The following NECAB2 variants were observed in gnomAD, a reference collection of about 807,000 sequenced individuals.
NECAB2 encodes N-terminal EF-hand calcium-binding protein 2.
NECAB2 carries 68 observed loss-of-function variants against 51.9 expected under a neutral mutation model. The observed-to-expected ratio is 1.31, with a 90% confidence interval of 1.08 to 1.60. The LOEUF is 1.60. Ranked by LOEUF, NECAB2 falls within the 40% of genes most tolerant of loss-of-function variation. The pLI is 0.00. For synonymous variants in NECAB2, 329 were observed against 203.5 expected, an observed-to-expected ratio of 1.62 and a Z score of -5.25; for missense variants, 854 against 490.3, an observed-to-expected ratio of 1.74 and a Z score of -7.00.
At chr16:84,001,749 G>A in intron 11 of NECAB2, 76 bp from the exon 12 acceptor site, 1 of 1,521,616 alleles carries the variant, frequency 6.6e-7, no homozygotes, top group South Asian at 1.1e-5. Flanking sequence ...TTGGGCTAGA[G>A]CTAGGATTAA....
chr16:84,001,252 G>T (rs1467023767), intron 11 of NECAB2, among the ~76,000 whole-genome samples: 1 of 144,142 alleles, frequency 6.9e-6, no homozygotes, highest in Non-Finnish European at 1.5e-5. Flanking sequence ...TGGGCCTTAG[G>T]CCTTTGTCCT....
At chr16:83,978,629 T>C in intron 3 of NECAB2, 77 bp downstream of exon 3, 1 of 1,274,384 alleles carries the variant, frequency 7.8e-7, no homozygotes, top group South Asian at 1.2e-5. Flanking sequence ...TAGTGTCCGT[T>C]CCTAGTCCCC....
chr16:83,998,356 G>T, intron 10 of NECAB2, 39 bp downstream of exon 10: 1 of 1,585,940 alleles, frequency 6.3e-7, no homozygotes. Context: ...ATGGTGGCAG[G>T]GAGCTCTGCC....
At chr16:83,996,972 G>C (rs1011759760) in intron 8 of NECAB2, among the ~76,000 whole-genome samples, 3 of 150,952 alleles carry the variant, frequency 2.0e-5, no homozygotes, top group Non-Finnish European at 4.4e-5. Flanking sequence ...CCAGCATCTT[G>C]GACTCAGGCC....
At chr16:83,988,035 A>G (rs1161068846) in intron 5 of NECAB2, among the ~76,000 whole-genome samples, 2 of 152,190 alleles carry the variant, frequency 1.3e-5, no homozygotes, top group Non-Finnish European at 2.9e-5. Context: ...TGATAGTGAT[A>G]TTGTACCTTA....
At chr16:83,984,271 A>G (rs1222950120) in intron 5 of NECAB2, among the ~76,000 whole-genome samples, 2 of 152,086 alleles carry the variant, frequency 1.3e-5, no homozygotes, top group African/African-American at 4.8e-5. Context: ...CTGGGATTAC[A>G]GGCGTGAGCC....
intron 4 of NECAB2, 37 bp downstream of exon 4, chr16:83,980,901 G>T (rs1597205091): frequency 6.2e-7 from 1 of 1,613,664 alleles, no homozygotes; most frequent in Non-Finnish European, 8.5e-7. Context: ...AGATGGGGAT[G>T]CTGGGATGGG....
At chr16:83,995,648 T>A (rs1278209380) in intron 8 of NECAB2, among the ~76,000 whole-genome samples, 2 of 152,136 alleles carry the variant, frequency 1.3e-5, no homozygotes, top group African/African-American at 2.4e-5. Context: ...CCTACTTTTG[T>A]GTATTTTTTT....
At chr16:83,974,289 T>G (rs1010927463) in intron 2 of NECAB2, among the ~76,000 whole-genome samples, 1 of 152,138 alleles carries the variant, frequency 6.6e-6, no homozygotes, top group Non-Finnish European at 1.5e-5. Flanking sequence ...AGTCACCAAA[T>G]TCTGCAGTCT....
At chr16:83,975,230 GTGT>G (rs1300366747) in intron 2 of NECAB2, among the ~76,000 whole-genome samples, 1 of 149,086 alleles carries the variant, frequency 6.7e-6, no homozygotes, top group Non-Finnish European at 1.5e-5. Flanking sequence ...GTGCAGGGAG[GTGT>G]TGGTGCGGGA....
intron 11 of NECAB2, 80 bp downstream of exon 11, chr16:84,000,881 G>C: frequency 2.8e-6 from 4 of 1,421,404 alleles, no homozygotes; most frequent in Non-Finnish European, 4.0e-6. Context: ...AGGCATCCTT[G>C]GAGGGGAGGG....
In NECAB2 at chr16:83,968,453, G is replaced by C. The variant is rs1337845649; in HGVS notation, c.-196G>C. Among the ~76,000 whole-genome samples the C allele has an allele frequency of 3.4e-5, 5 of 146,426 alleles. No homozygotes were observed. Among genetic ancestry groups the C allele is most frequent in the South Asian group, 2.1e-4 (1 of 4,794 alleles). On this transcript the variant is annotated 5_prime_UTR_variant, in exon 1 of 13. Coordinates refer to ENST00000305202, the MANE Select transcript of NECAB2 (RefSeq NM_019065.3). ...CCGGCCGGCGGGGGTGGGGGCGGCG[G>C]GGAGCGGGCACGTGGCTCGGGGTCC...
intron 6 of NECAB2, 78 bp downstream of exon 6, chr16:83,990,708 A>C: frequency 5.1e-6 from 8 of 1,566,754 alleles, no homozygotes; most frequent in Non-Finnish European, 6.9e-6. Flanking sequence ...CTTGGTGGGG[A>C]TGTCTGTGTA....
chr16:83,993,619 G>GTTGTGTGT (rs1567674929), intron 6 of NECAB2: 2 of 133,258 alleles, frequency 1.5e-5, no homozygotes, highest in African/African-American at 5.9e-5. Flanking sequence ...TGCAAGGTGA[G>GTTGTGTGT]CTGTGTGTGT....
chr16:83,973,717 C>G (rs72791591), intron 2 of NECAB2, among the ~76,000 whole-genome samples: 2 of 151,854 alleles, frequency 1.3e-5, no homozygotes, highest in East Asian at 1.9e-4. Context: ...TGTCCCGGGC[C>G]TGATACCCAG....
intron 5 of NECAB2, among the ~76,000 whole-genome samples, chr16:83,982,831 C>T (rs1435576921): frequency 6.6e-6 from 1 of 151,694 alleles, no homozygotes; most frequent in Non-Finnish European, 1.5e-5. Context: ...TTGTTGCATC[C>T]GTGATTGGCA....
intron 1 of NECAB2, 144 bp downstream of exon 1, chr16:83,968,993 G>T (rs1448560768): frequency 2.6e-6 from 1 of 380,842 alleles, no homozygotes; most frequent in Non-Finnish European, 3.8e-6. Flanking sequence ...GCGTGCCGGA[G>T]CGGGAGCCCC....
At chr16:83,967,950 A>G (rs1397408969), upstream of NECAB2, among the ~76,000 whole-genome samples, 2 of 147,172 alleles carry the variant, frequency 1.4e-5, no homozygotes, top group African/African-American at 5.0e-5. Context: ...GGATGGATGT[A>G]TAGATGGATT....
rs749522374 is a variant in NECAB2 at position 84,000,714 on chromosome 16, C to G, written c.963-10C>G. 13 of 1,613,744 alleles carry G rather than the reference C, an allele frequency of 8.1e-6. No individual in the cohort carries two copies. Among genetic ancestry groups the G allele is most frequent in the East Asian group, 2.2e-5 (1 of 44,872 alleles). On this transcript the variant is annotated splice_polypyrimidine_tract_variant and intron_variant, in intron 10 of 12. Coordinates refer to ENST00000305202, the MANE Select transcript of NECAB2 (RefSeq NM_019065.3). ...TCCAGCCTCCTCCCCCCGACCATCTCCTGTTGCAGCATCACTGCCGTGAGG... is the reference window on the plus strand; with the variant it reads ...TCCAGCCTCCTCCCCCCGACCATCTGCTGTTGCAGCATCACTGCCGTGAGG...
Sources: gnomAD v4.1 joint callset for allele counts (sites outside exome capture counted in the v4.1 genomes callset) on GRCh38, gnomAD v4.1.1 for gene constraint, MANE v1.5 for transcripts, NCBI Gene and HGNC (gene_info 2026-07-23, HGNC 2026-07-21) for gene names.